BRSK1: variants seen among roughly 807,000 people sequenced by gnomAD.
The protein encoded by BRSK1 is serine/threonine-protein kinase BRSK1.
Under a neutral mutation model 86.2 loss-of-function variants are expected in BRSK1, and 17 were observed. That is an observed-to-expected ratio of 0.20 (90% confidence interval 0.14 to 0.30). BRSK1 has a LOEUF of 0.30. Ranked by LOEUF, BRSK1 falls within the 10% of genes least tolerant of loss-of-function variation. The pLI is 1.00. For missense variants in BRSK1, 719 were observed against 1,071.9 expected, an observed-to-expected ratio of 0.67 and a Z score of 4.60; for synonymous variants, 464 against 440.1, an observed-to-expected ratio of 1.05 and a Z score of -0.68.
Position 55,302,088 on chromosome 19 carries a change from T to C in BRSK1, c.826-49T>C. ...CCCAGTCTTTCATTGCGCGCCTACA[T>C]GTGCCTACGACCTCACTTCTGCTTC... On this transcript the variant is annotated intron_variant, in intron 8 of 18. Transcript: ENST00000309383. This position sits in a 1 kb window ranked among gnomAD's most constrained non-coding sequence, Gnocchi z 6.3. 6.2e-7 allele frequency: 1 copy of C among 1,611,700 alleles called. No homozygotes were observed. Among genetic ancestry groups the C allele is most frequent in the South Asian group, 1.1e-5 (1 of 91,048 alleles).
Position 55,294,244 on chromosome 19 carries a change from T to A in BRSK1, c.606T>A (p.Ile202=). 4.3e-6 allele frequency: 7 copies of A among 1,613,918 alleles called. No individual in the cohort carries two copies. Among genetic ancestry groups the A allele is most frequent in the Non-Finnish European group, 5.9e-6 (7 of 1,179,976 alleles). Residue 202 remains isoleucine, a synonymous_variant, in exon 6 of 19, where the codon ATT becomes ATA. Coordinates refer to ENST00000309383, the MANE Select transcript of BRSK1 (RefSeq NM_032430.2). This position sits in a 1 kb window ranked among gnomAD's most constrained non-coding sequence, Gnocchi z 4.9. ...CCCATTATGCGTGTCCAGAGGTGAT[T>A]AAGGTGAGTGAGGGGCGGATAGAGG... The part of the protein sequence containing the change: ...GSPHYACPEV[I]KGEKYDGRRA...
In BRSK1 at chr19:55,284,285, A is replaced by T; in HGVS notation, c.-158A>T. On this transcript the variant is annotated 5_prime_UTR_variant, in exon 1 of 19. Transcript: ENST00000309383. The stretch of plus-strand genomic sequence containing the variant: ...CCTCCCCCAGCTCCGCGGCCCGCCG[A>T]CTGGGGGGGGCCAGCCCAGCCCCCT... 1 of 566,806 alleles carries T rather than the reference A, an allele frequency of 1.8e-6. No individual in the cohort carries two copies. The highest frequency in any genetic ancestry group is 2.6e-6 in the Non-Finnish European group (1 of 388,498). The allele number at this position is 566,806 out of a possible 1,614,324, so 35.1% of individuals were successfully genotyped here.
chr19:55,307,747 T>TACACAC (rs68176323), intron 17 of BRSK1, among the ~76,000 whole-genome samples: 3,007 of 88,096 alleles, frequency 0.034, 83 homozygotes, highest in African/African-American at 0.065. Context: ...AAAAAATTTA[T>TACACAC]ACACACACAC....
intron 1 of BRSK1, 67 bp from the exon 2 acceptor site, chr19:55,286,940 G>C (rs2088326060): frequency 1.0e-5 from 15 of 1,478,296 alleles, no homozygotes; most frequent in Non-Finnish European, 1.4e-5. Context: ...TGGCCAAGGG[G>C]GGACATAGGC....
chr19:55,288,491 A>G (rs1384905092), intron 3 of BRSK1, among the ~76,000 whole-genome samples: 1 of 151,170 alleles, frequency 6.6e-6, no homozygotes, highest in East Asian at 1.9e-4. Context: ...AAAAAAAAAA[A>G]ACTCCAAACA....
chr19:55,303,618 C>G lies in BRSK1; in HGVS notation c.1127-49C>G. On this transcript the variant is annotated intron_variant, in intron 11 of 18. Transcript: ENST00000309383. This position sits in a 1 kb window ranked among gnomAD's most constrained non-coding sequence, Gnocchi z 5.1. ...GTGCAGTTTCTGAGGCAGTTGTACA[C>G]AGCTGGGTGAAACCATCTCTTGATT... The G allele has an allele frequency of 1.3e-6, 2 of 1,566,364 alleles. No homozygotes were observed. The highest frequency in any genetic ancestry group is 2.4e-5 in the South Asian group (2 of 83,662).
At chr19:55,305,652 G>T in intron 16 of BRSK1, 66 bp downstream of exon 16, 1 of 1,607,640 alleles carries the variant, frequency 6.2e-7, no homozygotes, top group Non-Finnish European at 8.5e-7. Flanking sequence ...AGCCCCTGGG[G>T]CTAACCACCT....
chr19:55,284,629 C>T (rs549989533), intron 1 of BRSK1, 51 bp downstream of exon 1: 4 of 1,235,572 alleles, frequency 3.2e-6, no homozygotes, highest in South Asian at 3.3e-5. Flanking sequence ...GTGGAGGTGG[C>T]GGCAGAGGCG....
Position 55,304,559 on chromosome 19 carries a change from C to G in BRSK1, c.1356C>G (p.Val452=), listed in dbSNP as rs201659625. The G allele has an allele frequency of 2.5e-5, 39 of 1,583,848 alleles. No homozygotes were observed. The highest frequency in any genetic ancestry group is 5.5e-5 in the Admixed American group (3 of 54,882). ...TCTCCTGTCCTCTGCAGAGTCCGGT[C>G]TTTTCCTTTTCACCGGAGCCGGGGG... is the stretch of plus-strand genomic sequence containing the variant. ...SSPLSSPRSP[V]FSFSPEPGAG... is the part of the protein sequence containing the mutation. Residue 452 remains valine, a synonymous_variant, in exon 14 of 19, where the codon GTC becomes GTG. Transcript: ENST00000309383. This position sits in a 1 kb window ranked among gnomAD's most constrained non-coding sequence, Gnocchi z 5.2.
In BRSK1 at chr19:55,303,675, C is replaced by T. The variant is rs2122980149; in HGVS notation, c.1135C>T (p.Arg379Trp). 6.2e-7 allele frequency: 1 copy of T among 1,602,746 alleles called. No individual in the cohort carries two copies. Among genetic ancestry groups the T allele is most frequent in the Non-Finnish European group, 8.5e-7 (1 of 1,173,866 alleles). ...AAACTGTTGTCCCTCAGACCCCCCCCGGAAGCGTGTGGATTCTCCCATGCT... is the reference window on the plus strand; with the variant it reads ...AAACTGTTGTCCCTCAGACCCCCCCTGGAAGCGTGTGGATTCTCCCATGCT... ...LPPRNDVDPP[R>W]KRVDSPMLSR... is the part of the protein sequence containing the mutation. Residue 379 changes from arginine to tryptophan, a missense_variant, in exon 12 of 19, where the codon CGG (arginine) becomes TGG (tryptophan). Physicochemically the swap from Arg to Trp is moderately radical, Grantham distance 101. This residue lies in a region of BRSK1 where 168 missense variants were observed against 246.3 expected (regional missense o/e 0.68). Coordinates refer to ENST00000309383, the MANE Select transcript of BRSK1 (RefSeq NM_032430.2). The surrounding 1 kb of genome is among the most constrained non-coding windows in gnomAD (Gnocchi z 5.1).
chr19:55,285,641 C>T (rs760488366), intron 1 of BRSK1, among the ~76,000 whole-genome samples: 9 of 152,146 alleles, frequency 5.9e-5, no homozygotes, highest in East Asian at 1.9e-4. Context: ...GCAGCAGGCG[C>T]GTCTCCTGGA....
intron 17 of BRSK1, among the ~76,000 whole-genome samples, chr19:55,307,273 A>G (rs2088665622): frequency 6.6e-6 from 1 of 152,184 alleles, no homozygotes. Context: ...AAAGACTAAC[A>G]TGCAGGCTGG....
Position 55,294,217 on chromosome 19 carries a change from C to A in BRSK1, c.579C>A (p.Ser193=). Residue 193 remains serine (S), a synonymous_variant, in exon 6 of 19, where the codon TCC becomes TCA. Transcript: ENST00000309383. This position sits in a 1 kb window ranked among gnomAD's most constrained non-coding sequence, Gnocchi z 4.9. The part of the protein sequence containing the change: ...GDSLLETSCG[S]PHYACPEVIK... The stretch of plus-strand genomic sequence containing the variant: ...TCACATCAGCTCTCTCCCTCAGGTC[C>A]CCCCATTATGCGTGTCCAGAGGTGA... 6.2e-7 allele frequency: 1 copy of A among 1,613,776 alleles called. No homozygotes were observed. Among genetic ancestry groups the A allele is most frequent in the Non-Finnish European group, 8.5e-7 (1 of 1,179,798 alleles).
chr19:55,284,213 CT>C lies in BRSK1; in HGVS notation c.-229del, dbSNP rs1017867807. Reference sequence around the variant, plus strand: ...GGGGAGGGGGGGCCCCGCAGCCCCCCTGGGCCATGCTGACTCCCGGGGCCTG... The same window carrying C: ...GGGGAGGGGGGGCCCCGCAGCCCCCCGGGCCATGCTGACTCCCGGGGCCTG... On this transcript the variant is annotated 5_prime_UTR_variant, in exon 1 of 19. An upstream open reading frame in the 5' UTR loses its in-frame stop. Coordinates refer to ENST00000309383, the MANE Select transcript of BRSK1 (RefSeq NM_032430.2). The C allele has an allele frequency of 3.1e-4, 215 of 686,816 alleles. No individual in the cohort carries two copies. The highest frequency in any genetic ancestry group is 3.7e-4 in the Non-Finnish European group (184 of 492,986). The allele number at this position is 686,816 out of a possible 1,614,324, so 42.5% of individuals were successfully genotyped here. A position where few individuals can be genotyped will look rare whatever the true frequency, so the allele number is the denominator to read the frequency against.
In BRSK1 at chr19:55,284,012, C is replaced by A. The variant is rs1182954295; in HGVS notation, c.-431C>A. The A allele has an allele frequency of 1.6e-6, 2 of 1,229,246 alleles. No homozygotes were observed. Among genetic ancestry groups the A allele is most frequent in the Non-Finnish European group, 2.0e-6 (2 of 986,486 alleles). 76.1% of individuals were successfully genotyped at this position (1,229,246 alleles called of 1,614,324 possible). A position where few individuals can be genotyped will look rare whatever the true frequency, so the allele number is the denominator to read the frequency against. ...CGGAGTCCCCGGATGGTGATGTCAG[C>A]GTGCCGGAGAGAAAGGACGAGGTGG... is the stretch of plus-strand genomic sequence containing the variant. On this transcript the variant is annotated 5_prime_UTR_variant, in exon 1 of 19. Coordinates refer to ENST00000309383, the MANE Select transcript of BRSK1 (RefSeq NM_032430.2).
Position 55,289,591 on chromosome 19 carries a change from G to A in BRSK1, c.429G>A (p.Ala143=), listed in dbSNP as rs201729084. 1.7e-5 allele frequency: 28 copies of A among 1,614,110 alleles called. No individual in the cohort carries two copies. Among genetic ancestry groups the A allele is most frequent in the East Asian group, 2.2e-5 (1 of 44,876 alleles). ...AGTTCTTCCGCCAGATTGTGTCTGC[G>A]CTGGACTTCTGCCACAGCTACTCCA... ...ARKFFRQIVS[A]LDFCHSYSIC... Residue 143 remains alanine (A), a synonymous_variant, in exon 4 of 19, where the codon GCG becomes GCA. Transcript: ENST00000309383.
At chr19:55,311,738 G>A (rs903630541) in intron 18 of BRSK1, among the ~76,000 whole-genome samples, 173 bp from the exon 19 acceptor site, 2 of 152,146 alleles carry the variant, frequency 1.3e-5, no homozygotes, top group South Asian at 2.1e-4. Context: ...TGTGTCCTCC[G>A]AGTAACCAAT....
chr19:55,287,154 G>A lies in BRSK1; in HGVS notation c.231+53G>A. The A allele has an allele frequency of 6.2e-7, 1 of 1,612,240 alleles. No individual in the cohort carries two copies. The highest frequency in any genetic ancestry group is 8.5e-7 in the Non-Finnish European group (1 of 1,178,392). On this transcript the variant is annotated intron_variant, in intron 2 of 18. Transcript: ENST00000309383. The surrounding 1 kb of genome is among the most constrained non-coding windows in gnomAD (Gnocchi z 5.3). Reference sequence around the variant, plus strand: ...CGGGTGGGGGGGCCTCCGGGGCTGAGGGCAGGGGCGGGGCCGTGCTGACCT... The same window carrying A: ...CGGGTGGGGGGGCCTCCGGGGCTGAAGGCAGGGGCGGGGCCGTGCTGACCT...
chr19:55,291,784 G>A (rs997025174), intron 4 of BRSK1, among the ~76,000 whole-genome samples: 6 of 151,966 alleles, frequency 3.9e-5, no homozygotes, highest in East Asian at 1.9e-4. Context: ...TTTTTGAGAC[G>A]GAGTCTCGCT....
Sources: allele counts gnomAD v4.1 joint callset (sites outside exome capture counted in the v4.1 genomes callset), GRCh38; gene constraint gnomAD v4.1.1; regional missense constraint gnomAD v4.1.1; non-coding constraint Gnocchi (gnomAD v3.1); transcripts MANE v1.5; gene names NCBI Gene and HGNC (gene_info 2026-07-23, HGNC 2026-07-21).